Variants in LSAMP observed in about 807,000 individuals in gnomAD.
The protein encoded by LSAMP is limbic system associated membrane protein.
A neutral mutation model predicts 38.6 loss-of-function variants in LSAMP; 7 were observed. The observed-to-expected ratio is 0.18, with a 90% confidence interval of 0.10 to 0.34. LSAMP has a LOEUF of 0.34. LSAMP is among the 10% of genes least tolerant of loss of function. LSAMP has a pLI of 1.00. For synonymous variants in LSAMP, 154 were observed against 166.8 expected (o/e 0.92, Z 0.59); for missense variants, 313 against 420.0 (o/e 0.75, Z 2.23).
At chr3:115,881,934 T>C (rs1459865080) in intron 3 of LSAMP, among the ~76,000 whole-genome samples, 1 of 152,106 alleles carries the variant, frequency 6.6e-6, no homozygotes, top group Admixed American at 6.6e-5. Context: ...CTCTGGAGAA[T>C]TGCTGGTGGA....
chr3:116,353,630 T>C (rs2048179660), intron 1 of LSAMP, among the ~76,000 whole-genome samples: 2 of 151,948 alleles, frequency 1.3e-5, no homozygotes, highest in Admixed American at 1.3e-4. Flanking sequence ...AGTACAAACC[T>C]CTTTCCAGAA....
At chr3:115,839,315 T>TTCCTTCCTTCCC (rs1934919796) in intron 6 of LSAMP, among the ~76,000 whole-genome samples, 1 of 138,840 alleles carries the variant, frequency 7.2e-6, no homozygotes, top group African/African-American at 2.6e-5. Flanking sequence ...CCTTCCTTCC[T>TTCCTTCCTTCCC]TCCTTTTTTC....
chr3:115,877,826 A>G (rs1402526414), intron 3 of LSAMP, among the ~76,000 whole-genome samples: 3 of 152,126 alleles, frequency 2.0e-5, no homozygotes, highest in Non-Finnish European at 4.4e-5. Context: ...ATCTGGTGCT[A>G]TGATATTTTG....
intron 2 of LSAMP, among the ~76,000 whole-genome samples, chr3:116,060,667 G>A (rs564626395): frequency 6.6e-6 from 1 of 152,298 alleles, no homozygotes; most frequent in African/African-American, 2.4e-5. Flanking sequence ...GGCTGAGGCA[G>A]GAGAATCGCT....
At chr3:116,057,944 C>CAA (rs1274628463) in intron 2 of LSAMP, among the ~76,000 whole-genome samples, 14 of 105,824 alleles carry the variant, frequency 1.3e-4, no homozygotes, top group Non-Finnish European at 2.1e-5. Flanking sequence ...CACACACACA[C>CAA]ACACACACAC....
intron 2 of LSAMP, among the ~76,000 whole-genome samples, chr3:116,043,856 G>A (rs538556088): frequency 6.6e-6 from 1 of 152,374 alleles, no homozygotes; most frequent in Non-Finnish European, 1.5e-5. Flanking sequence ...TGAGGCAGGA[G>A]AATGGCGTGA....
chr3:116,041,830 C>T (rs1204208908), intron 2 of LSAMP, among the ~76,000 whole-genome samples: 1 of 149,370 alleles, frequency 6.7e-6, no homozygotes. Context: ...AAAAAAACAC[C>T]TTGATTTTAA....
At chr3:116,161,211 A>G (rs950585976) in intron 1 of LSAMP, among the ~76,000 whole-genome samples, 1 of 152,168 alleles carries the variant, frequency 6.6e-6, no homozygotes, top group African/African-American at 2.4e-5. Flanking sequence ...TGTACCCACC[A>G]CAGTGAGGAA....
intron 1 of LSAMP, among the ~76,000 whole-genome samples, chr3:116,279,955 G>GTT (rs2047107425): frequency 1.3e-5 from 2 of 152,006 alleles, no homozygotes; most frequent in African/African-American, 4.8e-5. Context: ...TACCAGTTAA[G>GTT]AAACAATCAT....
At chr3:116,324,763 G>A (rs1477996651) in intron 1 of LSAMP, among the ~76,000 whole-genome samples, 20 of 152,094 alleles carry the variant, frequency 1.3e-4, no homozygotes. Flanking sequence ...TCTAAGCTGG[G>A]TGACAACAAC....
At chr3:116,232,719 A>G (rs1471940378) in intron 1 of LSAMP, among the ~76,000 whole-genome samples, 2 of 7,870 alleles carry the variant, frequency 2.5e-4, no homozygotes, top group East Asian at 0.026. Flanking sequence ...TTTTTTTTCC[A>G]GCAGGTAGAT....
intron 2 of LSAMP, among the ~76,000 whole-genome samples, chr3:116,084,623 T>G (rs1707947549): frequency 6.6e-6 from 1 of 152,120 alleles, no homozygotes; most frequent in Non-Finnish European, 1.5e-5. Context: ...AACCAAGGGA[T>G]ATAGTGCTCA....
intron 3 of LSAMP, among the ~76,000 whole-genome samples, chr3:115,988,331 A>T (rs1480274968): frequency 6.6e-6 from 1 of 152,160 alleles, no homozygotes; most frequent in Non-Finnish European, 1.5e-5. Flanking sequence ...ACACAGAAGC[A>T]AGCATGCCTA....
intron 3 of LSAMP, among the ~76,000 whole-genome samples, chr3:115,913,261 A>C (rs1937173184): frequency 6.6e-6 from 1 of 152,222 alleles, no homozygotes; most frequent in Non-Finnish European, 1.5e-5. Context: ...TGCCTGTATA[A>C]TGACACCTAG....
chr3:116,123,315 G>C (rs967738433), intron 1 of LSAMP, among the ~76,000 whole-genome samples: 19 of 152,186 alleles, frequency 1.2e-4, no homozygotes, highest in Non-Finnish European at 2.8e-4. Context: ...CCAGTCGTGG[G>C]CCACAGCCAG....
chr3:116,213,491 T>C (rs1037834520), intron 1 of LSAMP, among the ~76,000 whole-genome samples: 7 of 152,230 alleles, frequency 4.6e-5, no homozygotes, highest in African/African-American at 1.7e-4. Context: ...CTCTTTCTTT[T>C]GTAAAGTGCT....
chr3:116,000,197 T>C (rs1016709402), intron 3 of LSAMP, among the ~76,000 whole-genome samples: 1 of 152,110 alleles, frequency 6.6e-6, no homozygotes, highest in Non-Finnish European at 1.5e-5. Context: ...CAACTGAGAA[T>C]AGCAAAAATC....
chr3:116,250,471 T>A (rs113912613), intron 1 of LSAMP, among the ~76,000 whole-genome samples: 2 of 152,172 alleles, frequency 1.3e-5, no homozygotes, highest in Non-Finnish European at 2.9e-5. Flanking sequence ...AAAGAACCAT[T>A]TCTGTATAGA....
intron 3 of LSAMP, among the ~76,000 whole-genome samples, chr3:115,978,264 G>C (rs1448389025): frequency 6.6e-6 from 1 of 152,082 alleles, no homozygotes; most frequent in Non-Finnish European, 1.5e-5. Context: ...GACAACTTTG[G>C]TAATATATGG....
Sources: gnomAD v4.1 joint callset for allele counts (sites outside exome capture counted in the v4.1 genomes callset) on GRCh38, gnomAD v4.1.1 for gene constraint, MANE v1.5 for transcripts, NCBI Gene and HGNC (gene_info 2026-07-23, HGNC 2026-07-21) for gene names.